SDK1: variants seen among roughly 807,000 people sequenced by gnomAD.
SDK1 encodes protein sidekick-1.
In SDK1, 157 loss-of-function variants were observed where a neutral mutation model predicts 245.5. The ratio of observed to expected loss-of-function variants is 0.64; its 90% CI spans 0.56 to 0.73. The LOEUF (loss-of-function observed/expected upper bound fraction) is 0.73, where lower values mean the gene tolerates loss of function less well. Among genes scored for constraint, SDK1 ranks in the 30% least tolerant of loss-of-function variants. The pLI is 0.00. For synonymous variants in SDK1, 1,647 were observed against 1,278.5 expected (o/e 1.29, Z -6.15); for missense variants, 3,583 against 3,002.3 (o/e 1.19, Z -4.52).
At chr7:3,658,815 G>T (rs756454590) in intron 4 of SDK1, among the ~76,000 whole-genome samples, 2 of 151,828 alleles carry the variant, frequency 1.3e-5, no homozygotes, top group African/African-American at 4.8e-5. Context: ...ATGTGGTTTC[G>T]CCATGTTGGC....
chr7:3,640,059 A>G (rs1457138099), intron 3 of SDK1, among the ~76,000 whole-genome samples: 2 of 151,748 alleles, frequency 1.3e-5, no homozygotes, highest in African/African-American at 4.9e-5. Context: ...ATCGCACTGC[A>G]TTGCCCAGGT....
At chr7:4,079,929 G>T (rs147835281) in intron 22 of SDK1, among the ~76,000 whole-genome samples, 222 of 152,252 alleles carry the variant, frequency 1.5e-3, no homozygotes, top group Admixed American at 2.4e-3. Flanking sequence ...AGGATTAATT[G>T]CTTGGTACAG....
At position 3,644,574 on chromosome 7, in the gene SDK1, G is replaced by A. The variant is rs112477738; in HGVS notation, c.713+2469G>A. Among the ~76,000 whole-genome samples the A allele has an allele frequency of 2.5e-3, 370 of 150,910 alleles. 1 individual carries two copies. Among genetic ancestry groups the A allele is most frequent in the Non-Finnish European group, 4.5e-3 (305 of 67,768 alleles). ...CAATCTGGAGTTTAAAAACAGCCTGGGCAACATACTGAAACCTTATCTCTA... is the reference window on the plus strand; with the variant it reads ...CAATCTGGAGTTTAAAAACAGCCTGAGCAACATACTGAAACCTTATCTCTA... On this transcript the variant is annotated intron_variant, in intron 4 of 44. Coordinates refer to ENST00000404826, the MANE Select transcript of SDK1 (RefSeq NM_152744.4).
At chr7:3,461,595 G>T (rs1383969391) in intron 1 of SDK1, among the ~76,000 whole-genome samples, 1 of 152,160 alleles carries the variant, frequency 6.6e-6, no homozygotes. Flanking sequence ...TCACTTAGTA[G>T]TTGTGTGACT....
chr7:3,513,519 G>A lies in SDK1; in HGVS notation c.299-105561G>A, dbSNP rs1005140322. On this transcript the variant is annotated intron_variant, in intron 1 of 44. Coordinates refer to ENST00000404826, the MANE Select transcript of SDK1 (RefSeq NM_152744.4). ...TAAGACACAAAGAAGAATTAAGACTGATGTGGCCAACAGATGAAGGAATGG... is the reference window on the plus strand; with the variant it reads ...TAAGACACAAAGAAGAATTAAGACTAATGTGGCCAACAGATGAAGGAATGG... Among the ~76,000 whole-genome samples the A allele has an allele frequency of 1.3e-5, 2 of 152,114 alleles. 1 individual carries two copies. Among genetic ancestry groups the A allele is most frequent in the South Asian group, 4.2e-4 (2 of 4,816 alleles).
chr7:3,654,769 C>T (rs1297321179), intron 4 of SDK1, among the ~76,000 whole-genome samples: 1 of 152,112 alleles, frequency 6.6e-6, no homozygotes, highest in Non-Finnish European at 1.5e-5. Context: ...TTCGAGTTGG[C>T]CATGTAGTAT....
chr7:3,982,138 A>ACAT (rs1328906880), intron 13 of SDK1, among the ~76,000 whole-genome samples: 1 of 152,238 alleles, frequency 6.6e-6, no homozygotes, highest in Non-Finnish European at 1.5e-5. Flanking sequence ...GCTCTTAAGA[A>ACAT]CGATGCTAAA....
At chr7:3,872,241 A>T (rs1290990904) in intron 5 of SDK1, among the ~76,000 whole-genome samples, 2 of 152,166 alleles carry the variant, frequency 1.3e-5, no homozygotes, top group African/African-American at 4.8e-5. Flanking sequence ...CATGAGAGTT[A>T]TTCATCCATA....
intron 14 of SDK1, among the ~76,000 whole-genome samples, chr7:3,990,567 T>C (rs1784224098): frequency 6.6e-6 from 1 of 152,150 alleles, no homozygotes; most frequent in Non-Finnish European, 1.5e-5. Context: ...ACGGAGAGAA[T>C]GGGACAGGGG....
chr7:4,164,309 C>A (rs751019397), intron 32 of SDK1, among the ~76,000 whole-genome samples: 24 of 152,200 alleles, frequency 1.6e-4, no homozygotes, highest in African/African-American at 5.3e-4. Flanking sequence ...CCTGAGAGGC[C>A]CCTCTGACTC....
chr7:3,602,690 A>G (rs1456551157), intron 1 of SDK1, among the ~76,000 whole-genome samples: 2 of 151,762 alleles, frequency 1.3e-5, no homozygotes, highest in African/African-American at 2.4e-5. Flanking sequence ...ATTAGATCCC[A>G]TTTGTCAATT....
At chr7:3,618,446 C>G (rs2128644489) in intron 1 of SDK1, among the ~76,000 whole-genome samples, 1 of 152,310 alleles carries the variant, frequency 6.6e-6, no homozygotes, top group South Asian at 2.1e-4. Context: ...GCTTCTTTCA[C>G]TCGGCTTGAT....
chr7:3,873,164 C>T (rs1780997377), intron 5 of SDK1, among the ~76,000 whole-genome samples: 1 of 151,918 alleles, frequency 6.6e-6, no homozygotes, highest in Non-Finnish European at 1.5e-5. Flanking sequence ...TTGTTTTTGT[C>T]TGAAAAGTCT....
At chr7:3,675,634 C>A (rs1449763267) in intron 4 of SDK1, among the ~76,000 whole-genome samples, 1 of 152,046 alleles carries the variant, frequency 6.6e-6, no homozygotes, top group Non-Finnish European at 1.5e-5. Flanking sequence ...AGTATAGTAG[C>A]ATGGTCATAG....
intron 1 of SDK1, among the ~76,000 whole-genome samples, chr7:3,408,820 A>T (rs1356449868): frequency 6.6e-6 from 1 of 152,200 alleles, no homozygotes; most frequent in Non-Finnish European, 1.5e-5. Context: ...TTATTCACTA[A>T]TGTTTGATAA....
At chr7:3,866,123 A>G (rs6955650) in intron 5 of SDK1, among the ~76,000 whole-genome samples, 33,628 of 152,180 alleles carry the variant, frequency 0.22, 3,929 homozygotes, top group Middle Eastern at 0.32. Context: ...ATACATGCAT[A>G]AAGTCCTTTC....
chr7:4,067,222 G>A (rs1229710090), intron 19 of SDK1, among the ~76,000 whole-genome samples: 4 of 152,224 alleles, frequency 2.6e-5, no homozygotes, highest in African/African-American at 4.8e-5. Context: ...CAGCGTTCAA[G>A]CGTAACTCTG....
intron 1 of SDK1, among the ~76,000 whole-genome samples, chr7:3,573,557 TCA>T (rs1780184423): frequency 6.6e-6 from 1 of 151,964 alleles, no homozygotes; most frequent in Non-Finnish European, 1.5e-5. Context: ...AAGAAGTGAG[TCA>T]CAGTCTTCTC....
chr7:3,489,412 T>G (rs914106842), intron 1 of SDK1, among the ~76,000 whole-genome samples: 1 of 152,252 alleles, frequency 6.6e-6, no homozygotes, highest in African/African-American at 2.4e-5. Flanking sequence ...CGCTGAAAAT[T>G]ATTACTATAA....
Sources: gnomAD v4.1 joint callset for allele counts (sites outside exome capture counted in the v4.1 genomes callset) on GRCh38, gnomAD v4.1.1 for gene constraint, MANE v1.5 for transcripts, NCBI Gene and HGNC (gene_info 2026-07-23, HGNC 2026-07-21) for gene names.